The following SLC1A2 variants were observed in gnomAD, a reference collection of about 807,000 sequenced individuals.
SLC1A2 encodes excitatory amino acid transporter 2.
A neutral mutation model predicts 48.8 loss-of-function variants in SLC1A2; 15 were observed. The ratio of observed to expected loss-of-function variants is 0.31; its 90% CI spans 0.21 to 0.47. The LOEUF (loss-of-function observed/expected upper bound fraction) is 0.47, where lower values mean the gene tolerates loss of function less well. SLC1A2 is among the 20% of genes least tolerant of loss of function. The pLI, the probability that SLC1A2 is intolerant of heterozygous loss-of-function variation, is 0.99. For missense variants in SLC1A2, 502 were observed against 730.5 expected, an observed-to-expected ratio of 0.69 and a Z score of 3.61; for synonymous variants, 279 against 272.6, an observed-to-expected ratio of 1.02 and a Z score of -0.23.
At chr11:35,344,226 TAACA>T (rs1046664282) in intron 1 of SLC1A2, among the ~76,000 whole-genome samples, 1 of 152,124 alleles carries the variant, frequency 6.6e-6, no homozygotes, top group Non-Finnish European at 1.5e-5. Context: ...AGGGAGGTAA[TAACA>T]AACAATGTCA....
chr11:35,309,236 A>G (rs1851611653), intron 4 of SLC1A2, among the ~76,000 whole-genome samples: 1 of 151,218 alleles, frequency 6.6e-6, no homozygotes, highest in South Asian at 2.1e-4. Flanking sequence ...GTTTTGGTCT[A>G]CCTCCCTCCC....
At chr11:35,349,445 G>A (rs1853161345) in intron 1 of SLC1A2, among the ~76,000 whole-genome samples, 1 of 152,132 alleles carries the variant, frequency 6.6e-6, no homozygotes, top group African/African-American at 2.4e-5. Context: ...TGCAAGCCAG[G>A]AATTCTGATG....
At chr11:35,371,121 G>T in intron 1 of SLC1A2, 1 of 976,546 alleles carries the variant, frequency 1.0e-6, no homozygotes, top group South Asian at 4.7e-5. Context: ...GCTACCCTCA[G>T]TGAGAACCCT....
intron 1 of SLC1A2, among the ~76,000 whole-genome samples, chr11:35,345,523 C>T (rs1043127167): frequency 2.0e-5 from 3 of 152,066 alleles, no homozygotes; most frequent in African/African-American, 7.2e-5. Flanking sequence ...AGGTCAGCAC[C>T]GCCACTGTGA....
chr11:35,396,752 C>T lies in SLC1A2; in HGVS notation c.17+22198G>A, dbSNP rs184865218. ...GTGTTTTGGACATGAAGTCCTTGCC[C>T]ATGCCTATGTCCTGAATGGTAAAAC... On this transcript the variant is annotated intron_variant, in intron 1 of 10. Coordinates refer to ENST00000278379, the MANE Select transcript of SLC1A2 (RefSeq NM_004171.4). Among the ~76,000 whole-genome samples the T allele has an allele frequency of 1.9e-3, 293 of 152,240 alleles. 2 individuals carry two copies. The highest frequency in any genetic ancestry group is 6.7e-3 in the African/African-American group (279 of 41,530).
In SLC1A2 at chr11:35,410,132, A is replaced by G. The variant is rs1855415587; in HGVS notation, c.17+8818T>C. Among the ~76,000 whole-genome samples the G allele has an allele frequency of 3.9e-5, 5 of 129,150 alleles. 1 individual carries two copies. In the South Asian group the frequency reaches 1.3e-3, roughly 34 times the overall value. The allele number at this position is 129,150 out of a possible 152,430, so 84.7% of individuals were successfully genotyped here. On this transcript the variant is annotated intron_variant, in intron 1 of 10. Transcript: ENST00000278379. ...TTTTTATTTTTTAAGATAGAGCTTT[A>G]TTTAGTTCCTTATTTATTTCTAACA...
chr11:35,324,697 C>T (rs1283864691), intron 1 of SLC1A2, among the ~76,000 whole-genome samples: 1 of 152,160 alleles, frequency 6.6e-6, no homozygotes, highest in African/African-American at 2.4e-5. Flanking sequence ...CCACTGCCAT[C>T]AGCCTCCCTA....
chr11:35,303,549 G>T (rs1851415432), intron 5 of SLC1A2, among the ~76,000 whole-genome samples: 1 of 152,134 alleles, frequency 6.6e-6, no homozygotes, highest in Admixed American at 6.5e-5. Flanking sequence ...TACGTGGGAG[G>T]TCAAAGAGAA....
At chr11:35,341,750 T>C (rs1160132298) in intron 1 of SLC1A2, among the ~76,000 whole-genome samples, 1 of 152,186 alleles carries the variant, frequency 6.6e-6, no homozygotes, top group Non-Finnish European at 1.5e-5. Flanking sequence ...CCTTTTCACA[T>C]CCCAAAATGT....
intron 1 of SLC1A2, among the ~76,000 whole-genome samples, chr11:35,387,123 A>G (rs1216019993): frequency 6.6e-6 from 1 of 152,082 alleles, no homozygotes; most frequent in Admixed American, 6.5e-5. Context: ...CCTCACCCCC[A>G]TTCTCCTGTA....
chr11:35,366,756 T>A (rs1369495294), intron 1 of SLC1A2, among the ~76,000 whole-genome samples: 1 of 152,194 alleles, frequency 6.6e-6, no homozygotes, highest in Non-Finnish European at 1.5e-5. Flanking sequence ...CACTTCCAAG[T>A]AGAAGCATTA....
intron 9 of SLC1A2, among the ~76,000 whole-genome samples, chr11:35,266,338 T>C (rs1346131091): frequency 2.0e-5 from 3 of 152,198 alleles, no homozygotes; most frequent in Admixed American, 6.5e-5. Flanking sequence ...ACGCAGCTGT[T>C]AGATAAGAAA....
intron 1 of SLC1A2, among the ~76,000 whole-genome samples, chr11:35,388,393 TTTTTG>T (rs1246128126): frequency 1.3e-5 from 2 of 152,104 alleles, no homozygotes; most frequent in African/African-American, 4.8e-5. Flanking sequence ...GACATGTTTG[TTTTTG>T]TTTTGTTTTG....
intron 5 of SLC1A2, 134 bp from the exon 6 acceptor site, chr11:35,301,779 A>G (rs993160348): frequency 7.5e-6 from 6 of 798,204 alleles, no homozygotes; most frequent in African/African-American, 5.2e-5. Context: ...CATTAAAAGA[A>G]CAAAGCATTA....
chr11:35,388,308 T>C (rs1002963255), intron 1 of SLC1A2, among the ~76,000 whole-genome samples: 3 of 152,232 alleles, frequency 2.0e-5, no homozygotes, highest in East Asian at 1.9e-4. Flanking sequence ...TTTCATCAGT[T>C]TCACATTTTC....
At chr11:35,327,577 T>A (rs1403935053) in intron 1 of SLC1A2, among the ~76,000 whole-genome samples, 1 of 152,236 alleles carries the variant, frequency 6.6e-6, no homozygotes, top group African/African-American at 2.4e-5. Context: ...TTTCTTGTCT[T>A]CCATAACAGG....
chr11:35,329,932 A>T (rs1444122863), intron 1 of SLC1A2, among the ~76,000 whole-genome samples: 1 of 152,142 alleles, frequency 6.6e-6, no homozygotes, highest in Non-Finnish European at 1.5e-5. Context: ...GACTTCCCAC[A>T]ACACTCTCAC....
At chr11:35,304,769 A>G (rs1479854028) in intron 5 of SLC1A2, among the ~76,000 whole-genome samples, 1 of 152,148 alleles carries the variant, frequency 6.6e-6, no homozygotes, top group Non-Finnish European at 1.5e-5. Context: ...ACAAACAAAC[A>G]TGACACTCAA....
At chr11:35,418,809 T>C (rs1855689980) in intron 1 of SLC1A2, 141 bp downstream of exon 1, 1 of 698,472 alleles carries the variant, frequency 1.4e-6, no homozygotes, top group Non-Finnish European at 2.6e-6. Context: ...CTCCCCACCA[T>C]CCCATCCCCA....
Sources: allele counts gnomAD v4.1 joint callset (sites outside exome capture counted in the v4.1 genomes callset), GRCh38; gene constraint gnomAD v4.1.1; transcripts MANE v1.5; gene names NCBI Gene and HGNC (gene_info 2026-07-23, HGNC 2026-07-21).